PSD4: variants seen among roughly 807,000 people sequenced by gnomAD.
The protein encoded by PSD4 is PH and SEC7 domain-containing protein 4.
A neutral mutation model predicts 112.5 loss-of-function variants in PSD4; 59 were observed. The ratio of observed to expected loss-of-function variants is 0.52; its 90% CI spans 0.43 to 0.65. PSD4 has a LOEUF of 0.65. Ranked by LOEUF, PSD4 falls within the 30% of genes least tolerant of loss-of-function variation. The probability of loss-of-function intolerance (pLI) is 0.00; values close to 1 mark genes in which losing one functional copy is unlikely to be tolerated. For synonymous variants in PSD4, 533 were observed against 540.0 expected, an observed-to-expected ratio of 0.99 and a Z score of 0.18; for missense variants, 1,267 against 1,352.6, an observed-to-expected ratio of 0.94 and a Z score of 0.99.
intron 5 of PSD4, among the ~76,000 whole-genome samples, chr2:113,189,057 G>A (rs969361655): frequency 2.0e-5 from 3 of 151,980 alleles, no homozygotes; most frequent in Non-Finnish European, 4.4e-5. Flanking sequence ...TCCTTTAACC[G>A]CCTTTCACCC....
chr2:113,201,878 G>A lies in PSD4; in HGVS notation c.*463G>A, dbSNP rs1341389267. 8 of 165,668 alleles carry A rather than the reference G, an allele frequency of 4.8e-5. No individual in the cohort carries two copies. Among genetic ancestry groups the A allele is most frequent in the African/African-American group, 1.9e-4 (8 of 41,672 alleles). 10.3% of individuals were successfully genotyped at this position (165,668 alleles called of 1,614,324 possible). A position where few individuals can be genotyped will look rare whatever the true frequency, so the allele number is the denominator to read the frequency against. ...CAGCCAGGGGAGCCACAGCCCCAAG[G>A]ATGGTCTTGCTCTGGGAATTAGGTG... On this transcript the variant is annotated 3_prime_UTR_variant, in exon 17 of 17. Coordinates refer to ENST00000245796, the MANE Select transcript of PSD4 (RefSeq NM_012455.3).
intron 5 of PSD4, among the ~76,000 whole-genome samples, chr2:113,187,156 A>G (rs1688322453): frequency 6.6e-6 from 1 of 152,118 alleles, no homozygotes; most frequent in Non-Finnish European, 1.5e-5. Flanking sequence ...CCCCGAGAGG[A>G]AGGTATTCAT....
At position 113,208,263 on chromosome 2, in the gene PSD4, T is replaced by C. The variant is rs1481341642; in HGVS notation, c.*6848T>C. ...GCTGACTGCTGGGCTTTCAAGATAG[T>C]TTCTGGAAGAAGTCTCTAAATCTAA... is the stretch of plus-strand genomic sequence containing the variant. On this transcript the variant is annotated 3_prime_UTR_variant, in exon 17 of 17. Coordinates refer to ENST00000245796, the MANE Select transcript of PSD4 (RefSeq NM_012455.3). 3.9e-5 allele frequency: 6 copies of C among 152,264 alleles called. No homozygotes were observed. Among genetic ancestry groups the C allele is most frequent in the African/African-American group, 1.4e-4 (6 of 41,466 alleles). 9.4% of individuals were successfully genotyped at this position (152,264 alleles called of 1,614,324 possible).
chr2:113,187,340 C>T (rs1195748634), intron 5 of PSD4, among the ~76,000 whole-genome samples: 2 of 152,252 alleles, frequency 1.3e-5, no homozygotes, highest in Non-Finnish European at 1.5e-5. Flanking sequence ...TCCTATACCT[C>T]CTTGTCCCTT....
In PSD4 at chr2:113,182,764, A is replaced by G. The variant is rs749046302; in HGVS notation, c.308A>G (p.Asp103Gly). The part of the protein sequence containing the change: ...ATDPPESTRQ[D>G]APPWGSGVEL... ...GACCCTCCTGAATCTACCAGACAAG[A>G]TGCTCCTCCCTGGGGCTCCGGTGTG... The change falls in exon 2 of 17, where the codon GAT becomes GGT. Residue 103 changes from aspartate to glycine, a missense_variant. Physicochemically the swap from Asp to Gly is moderately conservative, Grantham distance 94. Around this residue, in one of 2 missense-constraint regions of PSD4, gnomAD observed 723 missense variants for 704.0 expected, o/e 1.03. Coordinates refer to ENST00000245796, the MANE Select transcript of PSD4 (RefSeq NM_012455.3). 9 of 1,594,134 alleles carry G rather than the reference A, an allele frequency of 5.6e-6. No individual in the cohort carries two copies. The South Asian group carries it at 9.1e-5, about 16-fold the overall frequency.
chr2:113,184,850 C>T, intron 2 of PSD4, 107 bp from the exon 3 acceptor site: 5 of 1,501,446 alleles, frequency 3.3e-6, no homozygotes, highest in East Asian at 2.3e-5. Flanking sequence ...TCAGGGCAGA[C>T]TGTGAAGGGA....
In PSD4 at chr2:113,183,254, T is replaced by C. The variant is rs1299698503; in HGVS notation, c.798T>C (p.Phe266=). Residue 266 remains phenylalanine (F), a synonymous_variant, in exon 2 of 17, where the codon TTT becomes TTC. Transcript: ENST00000245796. ...AGAACAGTGCTTCTGGAGAGTGCTT[T>C]TCCTGGGGGGCTTCAGACTCCCATG... ...CSENSASGEC[F]SWGASDSHAG... is the part of the protein sequence containing the mutation. 1.2e-6 allele frequency: 2 copies of C among 1,614,134 alleles called. No individual in the cohort carries two copies. The highest frequency in any genetic ancestry group is 1.1e-5 in the South Asian group (1 of 91,082).
In PSD4 at chr2:113,174,068, G is replaced by A. The variant is rs1687898745; in HGVS notation, c.-112+14G>A. The A allele has an allele frequency of 6.5e-6, 1 of 152,792 alleles. No homozygotes were observed. The highest frequency in any genetic ancestry group is 2.4e-5 in the African/African-American group (1 of 41,462). 9.5% of individuals were successfully genotyped at this position (152,792 alleles called of 1,614,324 possible). A position where few individuals can be genotyped will look rare whatever the true frequency, so the allele number is the denominator to read the frequency against. Reference sequence around the variant, plus strand: ...GGTCCTTTGGAGGTGAGCTAAGTGGGTCTGCCTAGGTTGGGGCTGGTGGAA... The same window carrying A: ...GGTCCTTTGGAGGTGAGCTAAGTGGATCTGCCTAGGTTGGGGCTGGTGGAA... On this transcript the variant is annotated intron_variant, in intron 1 of 16. Transcript: ENST00000245796.
Position 113,201,274 on chromosome 2 carries a change from C to A in PSD4, c.3030C>A (p.Pro1010=), listed in dbSNP as rs1170897075. The A allele has an allele frequency of 5.0e-6, 8 of 1,614,144 alleles. No individual in the cohort carries two copies. Among genetic ancestry groups the A allele is most frequent in the Admixed American group, 1.7e-5 (1 of 60,006 alleles). Residue 1010 remains proline (P), a synonymous_variant, in exon 17 of 17, where the codon CCC becomes CCA. Transcript: ENST00000245796. ...GGGAAGCTGGAGGCACTCGGGAGCCCAAGCTCAGCCTGAAGAAGTCCCACT... is the reference window on the plus strand; with the variant it reads ...GGGAAGCTGGAGGCACTCGGGAGCCAAAGCTCAGCCTGAAGAAGTCCCACT... ...LGREAGGTRE[P]KLSLKKSHSS... is the part of the protein sequence containing the mutation.
rs571124774 is a variant in PSD4, at chr2:113,207,362, G to C, written c.*5947G>C. The C allele has an allele frequency of 6.6e-6, 1 of 151,924 alleles. No individual in the cohort carries two copies. Among genetic ancestry groups the C allele is most frequent in the African/African-American group, 2.4e-5 (1 of 41,430 alleles). The allele number at this position is 151,924 out of a possible 1,614,324, so 9.4% of individuals were successfully genotyped here. ...TGGGGAGAAAACCGACTAATATGCAGATGCCCTTTCCTCCAAGAGGCCTTC... is the reference window on the plus strand; with the variant it reads ...TGGGGAGAAAACCGACTAATATGCACATGCCCTTTCCTCCAAGAGGCCTTC... On this transcript the variant is annotated 3_prime_UTR_variant, in exon 17 of 17. Coordinates refer to ENST00000245796, the MANE Select transcript of PSD4 (RefSeq NM_012455.3).
intron 9 of PSD4, 55 bp downstream of exon 9, chr2:113,193,705 G>A (rs1688521578): frequency 6.3e-7 from 1 of 1,583,284 alleles, no homozygotes; most frequent in Admixed American, 1.7e-5. Context: ...AGGGGTGCGG[G>A]GAGGAGAAGA....
At chr2:113,193,814 G>A (rs765506769) in intron 9 of PSD4, 45 bp from the exon 10 acceptor site, 2 of 1,593,286 alleles carry the variant, frequency 1.3e-6, no homozygotes, top group East Asian at 4.5e-5. Flanking sequence ...TATTCTATTG[G>A]GATGGGGTGT....
At position 113,182,380 on chromosome 2, in the gene PSD4, G is replaced by T; in HGVS notation, c.-77G>T. ...GGATTCCCAGTTTCTCCAGCGGCCA[G>T]TGCTCCCCCTAGTCCACACAGTGAG... On this transcript the variant is annotated 5_prime_UTR_variant, in exon 2 of 17. Coordinates refer to ENST00000245796, the MANE Select transcript of PSD4 (RefSeq NM_012455.3). 7.3e-7 allele frequency: 1 copy of T among 1,362,898 alleles called. No homozygotes were observed. The highest frequency in any genetic ancestry group is 1.0e-6 in the Non-Finnish European group (1 of 992,912). 84.4% of individuals were successfully genotyped at this position (1,362,898 alleles called of 1,614,324 possible). A position where few individuals can be genotyped will look rare whatever the true frequency, so the allele number is the denominator to read the frequency against.
rs961332687 is a variant in PSD4, at chr2:113,198,032, A to G, written c.2624+119A>G. The G allele has an allele frequency of 7.6e-6, 9 of 1,191,618 alleles. No individual in the cohort carries two copies. The South Asian group carries it at 1.6e-4, about 22-fold the overall frequency. 73.8% of individuals were successfully genotyped at this position (1,191,618 alleles called of 1,614,324 possible). On this transcript the variant is annotated intron_variant, in intron 14 of 16. Transcript: ENST00000245796. Reference sequence around the variant, plus strand: ...AGGGGGTCCTGGTGGGAATGGCCGTATGATCAGAAATTCTTAGAAAGCGGC... The same window carrying G: ...AGGGGGTCCTGGTGGGAATGGCCGTGTGATCAGAAATTCTTAGAAAGCGGC...
chr2:113,184,472 CAAGCG>C (rs1235444986), intron 2 of PSD4, among the ~76,000 whole-genome samples: 1 of 150,164 alleles, frequency 6.7e-6, no homozygotes, highest in Non-Finnish European at 1.5e-5. Context: ...CTCCCAGGTT[CAAGCG>C]ATTCACCTGC....
rs534189892 is a variant in PSD4 at position 113,182,918 on chromosome 2, A to G, written c.462A>G (p.Val154=). Residue 154 remains valine, a synonymous_variant, in exon 2 of 17, where the codon GTA becomes GTG. Transcript: ENST00000245796. ...AGAACCGGAGCACGTCCACACAGGT[A>G]GTGTTCTGGGCAGGCATCCTGCAGG... The part of the protein sequence containing the change: ...PKQNRSTSTQ[V]VFWAGILQAQ... 5.0e-6 allele frequency: 8 copies of G among 1,614,208 alleles called. No homozygotes were observed. The highest frequency in any genetic ancestry group is 2.7e-5 in the African/African-American group (2 of 75,054).
chr2:113,193,748 T>C, intron 9 of PSD4, 98 bp downstream of exon 9: 1 of 1,555,712 alleles, frequency 6.4e-7, no homozygotes, highest in Non-Finnish European at 8.9e-7. Context: ...GGAACACCCC[T>C]GAGGGATGTG....
intron 1 of PSD4, among the ~76,000 whole-genome samples, chr2:113,180,341 G>T (rs1688094869): frequency 6.6e-6 from 1 of 152,214 alleles, no homozygotes; most frequent in African/African-American, 2.4e-5. Flanking sequence ...GGTTTGAGCT[G>T]CAGTCCATGT....
Position 113,183,296 on chromosome 2 carries a change from A to T in PSD4, c.840A>T (p.Gly280=). ...ACTCCCATGCAGGTGTGAGGACTGG[A>T]CCTGAGAGCCCAGCGACTCTGGAGC... ...ASDSHAGVRT[G]PESPATLEPP... The change falls in exon 2 of 17, where the codon GGA becomes GGT. Residue 280 remains glycine (G), a synonymous_variant. Coordinates refer to ENST00000245796, the MANE Select transcript of PSD4 (RefSeq NM_012455.3). The T allele has an allele frequency of 6.2e-7, 1 of 1,613,024 alleles. No individual in the cohort carries two copies. The highest frequency in any genetic ancestry group is 8.5e-7 in the Non-Finnish European group (1 of 1,179,348).
Sources: allele counts gnomAD v4.1 joint callset (sites outside exome capture counted in the v4.1 genomes callset), GRCh38; gene constraint gnomAD v4.1.1; regional missense constraint gnomAD v4.1.1; transcripts MANE v1.5; gene names NCBI Gene and HGNC (gene_info 2026-07-23, HGNC 2026-07-21).